The following NCAM2 variants were observed in gnomAD, a reference collection of about 807,000 sequenced individuals.
The protein encoded by NCAM2 is N-CAM-2.
In NCAM2, 30 loss-of-function variants were observed where a neutral mutation model predicts 98.1. The ratio of observed to expected loss-of-function variants is 0.31; its 90% CI spans 0.23 to 0.41. NCAM2 has a LOEUF of 0.41. NCAM2 is among the 10% of genes least tolerant of loss of function. The probability of loss-of-function intolerance (pLI) is 1.00; values close to 1 mark genes in which losing one functional copy is unlikely to be tolerated. For missense variants in NCAM2, 867 were observed against 1,005.8 expected, an observed-to-expected ratio of 0.86 and a Z score of 1.87; for synonymous variants, 368 against 342.4, an observed-to-expected ratio of 1.07 and a Z score of -0.83.
At chr21:21,365,948 A>G (rs1052926820) in intron 8 of NCAM2, among the ~76,000 whole-genome samples, 7 of 139,060 alleles carry the variant, frequency 5.0e-5, no homozygotes, top group Non-Finnish European at 9.3e-5. Context: ...TAGTTCTTTG[A>G]AAAAGCTTTG....
intron 9 of NCAM2, among the ~76,000 whole-genome samples, chr21:21,399,881 A>G (rs2076592267): frequency 1.3e-5 from 2 of 152,218 alleles, no homozygotes; most frequent in African/African-American, 4.8e-5. Context: ...TTTCAGAGCC[A>G]AAGGAGGAAT....
chr21:21,490,554 G>T (rs1010647080), intron 15 of NCAM2, among the ~76,000 whole-genome samples: 4 of 151,784 alleles, frequency 2.6e-5, no homozygotes, highest in Non-Finnish European at 5.9e-5. Flanking sequence ...CTTCAGTTTA[G>T]AAAATATATT....
At chr21:21,166,925 A>G (rs1464243743) in intron 1 of NCAM2, among the ~76,000 whole-genome samples, 2 of 152,186 alleles carry the variant, frequency 1.3e-5, no homozygotes. Flanking sequence ...ATTCAGACTA[A>G]ACGCCATTTC....
intron 1 of NCAM2, among the ~76,000 whole-genome samples, chr21:21,127,596 C>G (rs961330892): frequency 4.6e-5 from 7 of 152,034 alleles, no homozygotes; most frequent in Non-Finnish European, 1.0e-4. Context: ...CATTAACCAA[C>G]CTCTCTTCAT....
chr21:21,371,250 G>A (rs998983047), intron 8 of NCAM2, among the ~76,000 whole-genome samples: 1 of 151,830 alleles, frequency 6.6e-6, no homozygotes, highest in Admixed American at 6.6e-5. Flanking sequence ...ACAGTTTTGA[G>A]AAGGTAGTTT....
At chr21:21,012,317 G>A (rs140164578) in intron 1 of NCAM2, among the ~76,000 whole-genome samples, 31 of 152,184 alleles carry the variant, frequency 2.0e-4, no homozygotes, top group African/African-American at 7.2e-4. Flanking sequence ...ATTTAAATAT[G>A]AGCTGTATCT....
At chr21:21,377,038 C>A (rs2076049872) in intron 9 of NCAM2, among the ~76,000 whole-genome samples, 1 of 151,680 alleles carries the variant, frequency 6.6e-6, no homozygotes, top group African/African-American at 2.4e-5. Flanking sequence ...GATTATTTTT[C>A]TGCAAATATT....
chr21:21,317,859 C>T (rs893775263), intron 5 of NCAM2, among the ~76,000 whole-genome samples: 4 of 152,076 alleles, frequency 2.6e-5, no homozygotes, highest in African/African-American at 7.2e-5. Flanking sequence ...GAATTACCAA[C>T]TTGTATTCTA....
At chr21:21,376,296 A>G (rs894804422) in intron 9 of NCAM2, among the ~76,000 whole-genome samples, 1 of 151,836 alleles carries the variant, frequency 6.6e-6, no homozygotes, top group African/African-American at 2.4e-5. Flanking sequence ...ATTATAATTC[A>G]TATATGTTTA....
At chr21:21,153,844 A>G (rs1434866029) in intron 1 of NCAM2, among the ~76,000 whole-genome samples, 1 of 151,942 alleles carries the variant, frequency 6.6e-6, no homozygotes, top group Non-Finnish European at 1.5e-5. Flanking sequence ...TTTTAAAGGT[A>G]GAGGAGGTAG....
At chr21:21,321,939 T>C (rs2074385103) in intron 5 of NCAM2, among the ~76,000 whole-genome samples, 1 of 152,144 alleles carries the variant, frequency 6.6e-6, no homozygotes, top group South Asian at 2.1e-4. Context: ...GAACTGCCAT[T>C]TGAGCCAGCA....
intron 1 of NCAM2, among the ~76,000 whole-genome samples, chr21:21,133,180 A>G (rs1203424580): frequency 1.3e-5 from 2 of 152,206 alleles, no homozygotes; most frequent in African/African-American, 4.8e-5. Flanking sequence ...AGTACAAACA[A>G]ATAGTAAGAT....
intron 2 of NCAM2, among the ~76,000 whole-genome samples, chr21:21,282,152 C>A (rs1188076526): frequency 2.6e-5 from 4 of 151,734 alleles, no homozygotes; most frequent in Admixed American, 2.6e-4. Context: ...TAAATCCCAT[C>A]CATATTTTAT....
intron 9 of NCAM2, among the ~76,000 whole-genome samples, chr21:21,375,173 A>G (rs1251471560): frequency 6.6e-6 from 1 of 151,362 alleles, no homozygotes; most frequent in Non-Finnish European, 1.5e-5. Flanking sequence ...TAATAATAAA[A>G]AGGAAAGAAA....
rs533667953 is a variant in NCAM2 at position 21,423,078 on chromosome 21, T to C, written c.1480+4509T>C. Among the ~76,000 whole-genome samples the C allele has an allele frequency of 1.3e-3, 190 of 146,300 alleles. 1 individual carries two copies. The highest frequency in any genetic ancestry group is 2.3e-3 in the South Asian group (11 of 4,824). On this transcript the variant is annotated intron_variant, in intron 11 of 17. Transcript: ENST00000400546. ...TTAAATTTCTTAATTTGTTTCATCATTGTTATATTTTTAACTGTTGAACTT... is the reference window on the plus strand; with the variant it reads ...TTAAATTTCTTAATTTGTTTCATCACTGTTATATTTTTAACTGTTGAACTT...
At chr21:21,296,228 G>A (rs930183776) in intron 5 of NCAM2, among the ~76,000 whole-genome samples, 1 of 151,698 alleles carries the variant, frequency 6.6e-6, no homozygotes, top group Admixed American at 6.6e-5. Flanking sequence ...GGATTCAAAA[G>A]CATTTAACAA....
At chr21:21,290,379 G>A (rs1314114366) in intron 4 of NCAM2, among the ~76,000 whole-genome samples, 1 of 151,710 alleles carries the variant, frequency 6.6e-6, no homozygotes. Context: ...ATTTTTAATT[G>A]ACTTTGAAAC....
At chr21:21,084,532 A>G (rs1428227036) in intron 1 of NCAM2, among the ~76,000 whole-genome samples, 3 of 152,220 alleles carry the variant, frequency 2.0e-5, no homozygotes, top group Non-Finnish European at 2.9e-5. Context: ...CAAAAATGTT[A>G]TATAAGTAGA....
chr21:21,111,469 C>T (rs1461006398), intron 1 of NCAM2, among the ~76,000 whole-genome samples: 2 of 152,062 alleles, frequency 1.3e-5, no homozygotes, highest in African/African-American at 4.8e-5. Flanking sequence ...AGGTTAATCC[C>T]ACAAGAAGAT....
Sources: allele counts gnomAD v4.1 joint callset (sites outside exome capture counted in the v4.1 genomes callset), GRCh38; gene constraint gnomAD v4.1.1; transcripts MANE v1.5; gene names NCBI Gene and HGNC (gene_info 2026-07-23, HGNC 2026-07-21).